Variants in FNIP1 observed in about 807,000 individuals in gnomAD.
The protein encoded by FNIP1 is folliculin-interacting protein 1.
A neutral mutation model predicts 124.5 loss-of-function variants in FNIP1; 40 were observed. The ratio of observed to expected loss-of-function variants is 0.32; its 90% CI spans 0.25 to 0.42. FNIP1 has a LOEUF of 0.42. FNIP1 is among the 10% of genes least tolerant of loss of function. FNIP1 has a pLI of 1.00. For missense variants in FNIP1, 1,176 were observed against 1,403.7 expected, an observed-to-expected ratio of 0.84 and a Z score of 2.59; for synonymous variants, 472 against 470.6, an observed-to-expected ratio of 1.00 and a Z score of -0.04.
At chr5:131,757,584 T>C (rs1022372247) in intron 1 of FNIP1, among the ~76,000 whole-genome samples, 1 of 122,026 alleles carries the variant, frequency 8.2e-6, no homozygotes, top group Non-Finnish European at 1.7e-5. Context: ...TGTGGCAAAA[T>C]AAACATTCCC....
chr5:131,709,177 C>G (rs762151001), intron 8 of FNIP1, 24 bp downstream of exon 8: 4 of 1,600,354 alleles, frequency 2.5e-6, no homozygotes, highest in African/African-American at 1.3e-5. Flanking sequence ...TCATAAAAAA[C>G]TGAATACAAG....
intron 1 of FNIP1, among the ~76,000 whole-genome samples, chr5:131,783,932 A>G (rs1282812040): frequency 6.6e-6 from 1 of 151,920 alleles, no homozygotes; most frequent in Non-Finnish European, 1.5e-5. Flanking sequence ...CTGGATAGAT[A>G]TGGTCCACTG....
rs771746127 is a variant in FNIP1, at chr5:131,672,500, C to A, written c.1944G>T (p.Gln648His). ...KELLGISDEC[Q>H]MISPSDCQEE... ...CTTGGCAGTCAGAAGGAGAAATCAT[C>A]TGGCACTCATCTGAAATTCCTAGCA... The change falls in exon 14 of 18, where the codon CAG becomes CAT. Residue 648 changes from glutamine to histidine, a missense_variant. Around this residue, in one of 2 missense-constraint regions of FNIP1, gnomAD observed 1,109 missense variants for 1,288.5 expected, o/e 0.86. Coordinates refer to ENST00000510461, the MANE Select transcript of FNIP1 (RefSeq NM_133372.3). The A allele has an allele frequency of 1.2e-6, 2 of 1,613,658 alleles. No homozygotes were observed. Among genetic ancestry groups the A allele is most frequent in the East Asian group, 2.2e-5 (1 of 44,886 alleles).
Position 131,772,277 on chromosome 5 carries a change from G to A in FNIP1, c.92+24553C>T, listed in dbSNP as rs553497886. On this transcript the variant is annotated intron_variant, in intron 1 of 17. Transcript: ENST00000510461. ...GAGAAGAGAATCACTAAAAGGTACA[G>A]GGAACTTTCTGGGGTAATATTCTAT... 2.0e-5 allele frequency among the ~76,000 whole-genome samples: 3 copies of A among 152,156 alleles called. No individual in the cohort carries two copies. The South Asian group carries it at 6.2e-4, about 32-fold the overall frequency.
At chr5:131,787,444 G>A (rs1772253704) in intron 1 of FNIP1, among the ~76,000 whole-genome samples, 1 of 152,170 alleles carries the variant, frequency 6.6e-6, no homozygotes, top group Non-Finnish European at 1.5e-5. Flanking sequence ...CAGTACTGGG[G>A]CATGGATCTG....
intron 1 of FNIP1, among the ~76,000 whole-genome samples, chr5:131,784,241 G>A (rs1772088904): frequency 6.6e-6 from 1 of 152,100 alleles, no homozygotes; most frequent in African/African-American, 2.4e-5. Context: ...GTTTTATGGA[G>A]CCGTTGAAGG....
intron 1 of FNIP1, among the ~76,000 whole-genome samples, chr5:131,753,581 G>C (rs1770951587): frequency 6.6e-6 from 1 of 152,196 alleles, no homozygotes; most frequent in South Asian, 2.1e-4. Flanking sequence ...AGTGATCAGG[G>C]ATAGGGAGTG....
In FNIP1 at chr5:131,706,392, GT is replaced by G; in HGVS notation, c.914+18del. 1 of 1,601,356 alleles carries G rather than the reference GT, an allele frequency of 6.2e-7. No individual in the cohort carries two copies. The highest frequency in any genetic ancestry group is 8.5e-7 in the Non-Finnish European group (1 of 1,173,810). ...AAGGAACTACTCAATCTTGTTCTGT[GT>G]TTAAAGTTCCAACTTACCATCTAGG... On this transcript the variant is annotated intron_variant, in intron 9 of 17. Coordinates refer to ENST00000510461, the MANE Select transcript of FNIP1 (RefSeq NM_133372.3).
At chr5:131,786,678 C>T (rs1772230116) in intron 1 of FNIP1, among the ~76,000 whole-genome samples, 1 of 152,130 alleles carries the variant, frequency 6.6e-6, no homozygotes, top group African/African-American at 2.4e-5. Flanking sequence ...GGGCTCTGCC[C>T]TCATGAATGA....
chr5:131,787,563 G>C (rs140382108), intron 1 of FNIP1, among the ~76,000 whole-genome samples: 1 of 152,278 alleles, frequency 6.6e-6, no homozygotes, highest in African/African-American at 2.4e-5. Flanking sequence ...AAACATCTAA[G>C]TTCAAATCTT....
intron 1 of FNIP1, among the ~76,000 whole-genome samples, chr5:131,747,750 T>C (rs1770729741): frequency 6.6e-6 from 1 of 151,610 alleles, no homozygotes; most frequent in Non-Finnish European, 1.5e-5. Flanking sequence ...AACAGACAAC[T>C]GGTAAGAAAA....
At chr5:131,645,030 G>GT (rs1198096222) in intron 17 of FNIP1, among the ~76,000 whole-genome samples, 1 of 152,158 alleles carries the variant, frequency 6.6e-6, no homozygotes, top group Non-Finnish European at 1.5e-5. Flanking sequence ...GCAATCTAGT[G>GT]TAATAATAGC....
At chr5:131,708,851 A>G (rs1376512347) in intron 8 of FNIP1, among the ~76,000 whole-genome samples, 1 of 151,878 alleles carries the variant, frequency 6.6e-6, no homozygotes, top group Non-Finnish European at 1.5e-5. Flanking sequence ...AAGAGACAAT[A>G]TGACAATTTA....
At chr5:131,790,603 AT>A (rs1309000021) in intron 1 of FNIP1, among the ~76,000 whole-genome samples, 1 of 151,966 alleles carries the variant, frequency 6.6e-6, no homozygotes, top group Non-Finnish European at 1.5e-5. Flanking sequence ...ATAAATCTTG[AT>A]GCTTAACACT....
At chr5:131,753,879 T>C (rs1004281213) in intron 1 of FNIP1, among the ~76,000 whole-genome samples, 1 of 151,872 alleles carries the variant, frequency 6.6e-6, no homozygotes, top group Non-Finnish European at 1.5e-5. Flanking sequence ...GGTAGCACAA[T>C]CTCAGCTCAC....
chr5:131,660,947 A>G (rs1386943921), intron 15 of FNIP1, among the ~76,000 whole-genome samples: 1 of 152,082 alleles, frequency 6.6e-6, no homozygotes, highest in East Asian at 1.9e-4. Flanking sequence ...TTGTTCCTGT[A>G]AAGACATCTC....
At chr5:131,707,957 G>A (rs922122337) in intron 8 of FNIP1, among the ~76,000 whole-genome samples, 11 of 151,824 alleles carry the variant, frequency 7.2e-5, no homozygotes, top group African/African-American at 1.9e-4. Context: ...AGATTACATC[G>A]AAGCAAAGTT....
Position 131,784,016 on chromosome 5 carries a change from A to AG in FNIP1, c.92+12813_92+12814insC, listed in dbSNP as rs199829040. 4.4e-4 allele frequency among the ~76,000 whole-genome samples: 67 copies of AG among 151,898 alleles called. 1 individual carries two copies. The East Asian group carries it at 0.012, about 27-fold the overall frequency. On this transcript the variant is annotated intron_variant, in intron 1 of 17. Transcript: ENST00000510461. Reference sequence around the variant, plus strand: ...GGGTAATCTGCCCCCAACAAAAAAAAAAAAAGAAGGAAAAACAAAAGGGCA... The same window carrying AG: ...GGGTAATCTGCCCCCAACAAAAAAAAGAAAAAGAAGGAAAAACAAAAGGGCA...
chr5:131,730,905 T>A lies in FNIP1; in HGVS notation c.353A>T (p.Gln118Leu). ...SDIKDQCLKY[Q>L]GSRCSSDANM... ...AATAAATGACATCAATGATCTTACCTGGTACTTAAGACACTGGTCTTTTAT... is the reference window on the plus strand; with the variant it reads ...AATAAATGACATCAATGATCTTACCAGGTACTTAAGACACTGGTCTTTTAT... The change falls in exon 3 of 18, where the codon CAG becomes CTG. Residue 118 changes from glutamine (Q) to leucine (L), a missense_variant and splice_region_variant. Gln to Leu is a moderately radical substitution (Grantham distance 113). Transcript: ENST00000510461. 1 of 1,596,578 alleles carries A rather than the reference T, an allele frequency of 6.3e-7. No individual in the cohort carries two copies. Among genetic ancestry groups the A allele is most frequent in the Non-Finnish European group, 8.5e-7 (1 of 1,172,994 alleles).
Sources: allele counts gnomAD v4.1 joint callset (sites outside exome capture counted in the v4.1 genomes callset), GRCh38; gene constraint gnomAD v4.1.1; regional missense constraint gnomAD v4.1.1; transcripts MANE v1.5; gene names NCBI Gene and HGNC (gene_info 2026-07-23, HGNC 2026-07-21).